CAMTA1: variants seen among roughly 807,000 people sequenced by gnomAD.
CAMTA1 encodes calmodulin binding transcription activator 1, also known as calmodulin-binding transcription activator 1.
Under a neutral mutation model 170.9 loss-of-function variants are expected in CAMTA1, and 27 were observed. That is an observed-to-expected ratio of 0.16 (90% CI 0.12 to 0.22). The LOEUF (loss-of-function observed/expected upper bound fraction) is 0.22. CAMTA1 is among the 10% of genes least tolerant of loss of function. The pLI is 1.00. For synonymous variants in CAMTA1, 833 were observed against 891.5 expected, an observed-to-expected ratio of 0.93 and a Z score of 1.17; for missense variants, 1,619 against 2,217.2, an observed-to-expected ratio of 0.73 and a Z score of 5.42.
At chr1:7,572,023 T>C (rs2095131867) in intron 6 of CAMTA1, among the ~76,000 whole-genome samples, 1 of 152,228 alleles carries the variant, frequency 6.6e-6, no homozygotes, top group Non-Finnish European at 1.5e-5. Flanking sequence ...TTTTTAATAA[T>C]AGGCATTCTG....
chr1:7,254,827 A>G (rs1162458056), intron 5 of CAMTA1, among the ~76,000 whole-genome samples: 1 of 152,240 alleles, frequency 6.6e-6, no homozygotes, highest in Non-Finnish European at 1.5e-5. Context: ...CAGCCACTGG[A>G]AAACATTTTA....
chr1:6,806,989 G>T, intron 1 of CAMTA1: 1 of 616,868 alleles, frequency 1.6e-6, no homozygotes. Flanking sequence ...CCAGGCACAA[G>T]GAAGGACAGA....
At chr1:7,040,572 T>A (rs985448238) in intron 3 of CAMTA1, among the ~76,000 whole-genome samples, 15 of 152,158 alleles carry the variant, frequency 9.9e-5, no homozygotes, top group Admixed American at 2.0e-4. Flanking sequence ...CTCTTGGCAC[T>A]GTCAGCTTGC....
chr1:7,656,134 T>A (rs2095901253), intron 7 of CAMTA1, among the ~76,000 whole-genome samples: 1 of 152,246 alleles, frequency 6.6e-6, no homozygotes, highest in Non-Finnish European at 1.5e-5. Context: ...ACACTTGTGT[T>A]CTTTATGAAT....
intron 6 of CAMTA1, among the ~76,000 whole-genome samples, chr1:7,505,418 GGACA>G (rs907459388): frequency 1.3e-5 from 2 of 152,200 alleles, no homozygotes; most frequent in Non-Finnish European, 2.9e-5. Flanking sequence ...GGGCGGCCCA[GGACA>G]GACAGAGCGT....
At chr1:7,730,768 A>T (rs1287621526) in intron 11 of CAMTA1, among the ~76,000 whole-genome samples, 2 of 152,044 alleles carry the variant, frequency 1.3e-5, no homozygotes, top group Non-Finnish European at 2.9e-5. Flanking sequence ...GCCTGGTGGC[A>T]TGTGCCTGTA....
intron 3 of CAMTA1, among the ~76,000 whole-genome samples, chr1:6,990,180 A>G (rs1335095613): frequency 6.6e-6 from 1 of 152,238 alleles, no homozygotes; most frequent in African/African-American, 2.4e-5. Context: ...GGTCACCAGC[A>G]GTCTTTAGCT....
rs1038261078 is a variant in CAMTA1 at position 7,304,546 on chromosome 1, G to C, written c.438+54920G>C. Among the ~76,000 whole-genome samples the C allele has an allele frequency of 1.7e-4, 26 of 150,502 alleles. 1 individual carries two copies. Among genetic ancestry groups the C allele is most frequent in the African/African-American group, 6.3e-4 (26 of 41,106 alleles). On this transcript the variant is annotated intron_variant, in intron 5 of 22. Coordinates refer to ENST00000303635, the MANE Select transcript of CAMTA1 (RefSeq NM_015215.4). Reference sequence around the variant, plus strand: ...TAAATTACATTCCAGCTAACAGTATGTGAAATCATTTGTTTCCTCAAGCCC... The same window carrying C: ...TAAATTACATTCCAGCTAACAGTATCTGAAATCATTTGTTTCCTCAAGCCC...
intron 4 of CAMTA1, among the ~76,000 whole-genome samples, chr1:7,156,381 G>A (rs1221008148): frequency 6.6e-6 from 1 of 152,110 alleles, no homozygotes; most frequent in Admixed American, 6.5e-5. Flanking sequence ...TTAAAGTAAT[G>A]TAGGCAGGAC....
intron 11 of CAMTA1, among the ~76,000 whole-genome samples, chr1:7,704,566 G>C (rs992162421): frequency 1.3e-5 from 2 of 148,556 alleles, no homozygotes; most frequent in African/African-American, 4.9e-5. Flanking sequence ...CGCAGTCCCC[G>C]CGCCGAGCGG....
At chr1:6,823,417 C>G (rs1023075610) in intron 2 of CAMTA1, among the ~76,000 whole-genome samples, 1 of 152,028 alleles carries the variant, frequency 6.6e-6, no homozygotes, top group East Asian at 1.9e-4. Context: ...TCTTATTTTC[C>G]TATTAAATTA....
rs539106868 is a variant in CAMTA1 at position 7,523,838 on chromosome 1, G to A, written c.510+55937G>A. On this transcript the variant is annotated intron_variant, in intron 6 of 22. Coordinates refer to ENST00000303635, the MANE Select transcript of CAMTA1 (RefSeq NM_015215.4). The stretch of plus-strand genomic sequence containing the variant: ...GCAGAGCTTGCCGTGAGCCAAGATC[G>A]CACCACTGCACTCCAGCCTGGACGA... Among the ~76,000 whole-genome samples, 8 of 150,916 alleles carry A rather than the reference G, an allele frequency of 5.3e-5. No homozygotes were observed. The East Asian group carries it at 1.6e-3, about 29-fold the overall frequency.
intron 3 of CAMTA1, among the ~76,000 whole-genome samples, chr1:6,893,973 CCT>C (rs905594341): frequency 2.6e-5 from 4 of 152,198 alleles, no homozygotes; most frequent in African/African-American, 9.7e-5. Context: ...TTTCCTTTCT[CCT>C]CTCTCTTTTC....
In CAMTA1 at chr1:7,092,768, G is replaced by A. The variant is rs60169741; in HGVS notation, c.302+1397G>A. Among the ~76,000 whole-genome samples the A allele has an allele frequency of 0.22, 33,101 of 152,198 alleles. 3,708 individuals are homozygous for A. Among genetic ancestry groups the A allele is most frequent in the East Asian group, 0.29 (1,519 of 5,178 alleles). On this transcript the variant is annotated intron_variant, in intron 4 of 22. Coordinates refer to ENST00000303635, the MANE Select transcript of CAMTA1 (RefSeq NM_015215.4). The surrounding 1 kb of genome is among the most constrained non-coding windows in gnomAD (Gnocchi z 5.0). The stretch of plus-strand genomic sequence containing the variant: ...TGTGGGCTGCCTGTGGCTTTGGGTT[G>A]AGGTCAGGTCTGCTGTGTGCATCAT...
chr1:7,584,582 C>A (rs2095292497), intron 6 of CAMTA1, among the ~76,000 whole-genome samples: 1 of 152,140 alleles, frequency 6.6e-6, no homozygotes, highest in Non-Finnish European at 1.5e-5. Context: ...GAATTAAGTA[C>A]CCGCTCTGGG....
intron 6 of CAMTA1, among the ~76,000 whole-genome samples, chr1:7,500,973 A>T (rs1048550068): frequency 1.3e-5 from 2 of 152,166 alleles, no homozygotes; most frequent in Non-Finnish European, 2.9e-5. Flanking sequence ...GCCGAGAGCC[A>T]TCCCCAGGGG....
chr1:6,991,621 T>A (rs1421216733), intron 3 of CAMTA1, among the ~76,000 whole-genome samples: 5 of 152,260 alleles, frequency 3.3e-5, no homozygotes, highest in Non-Finnish European at 5.9e-5. Flanking sequence ...CAGTTCTTTG[T>A]TAGCTATATG....
intron 3 of CAMTA1, among the ~76,000 whole-genome samples, chr1:7,019,304 G>A (rs1444446821): frequency 6.6e-6 from 1 of 151,432 alleles, no homozygotes; most frequent in Non-Finnish European, 1.5e-5. Flanking sequence ...TTGTGTCGGG[G>A]ACACCTAGAA....
At chr1:7,263,073 C>T (rs1026019949) in intron 5 of CAMTA1, among the ~76,000 whole-genome samples, 2 of 151,986 alleles carry the variant, frequency 1.3e-5, no homozygotes, top group African/African-American at 2.4e-5. Context: ...AGATGCGACA[C>T]GGTATTTTGG....
Sources: allele counts gnomAD v4.1 joint callset (sites outside exome capture counted in the v4.1 genomes callset), GRCh38; gene constraint gnomAD v4.1.1; non-coding constraint Gnocchi (gnomAD v3.1); transcripts MANE v1.5; gene names NCBI Gene and HGNC (gene_info 2026-07-23, HGNC 2026-07-21).